Variants in ING1 observed in about 807,000 individuals in gnomAD.
ING1 encodes the protein inhibitor of growth protein 1.
ING1 carries 4 observed loss-of-function variants against 23.1 expected under a neutral mutation model. The observed-to-expected ratio is 0.17, with a 90% CI of 0.09 to 0.40. The LOEUF (loss-of-function observed/expected upper bound fraction) is 0.40, where lower values mean the gene tolerates loss of function less well. ING1 is among the 10% of genes least tolerant of loss of function. The pLI is 1.00. For missense variants in ING1, 256 were observed against 393.8 expected (o/e 0.65, Z 2.96); for synonymous variants, 179 against 166.4 (o/e 1.08, Z -0.58).
intron 1 of ING1, chr13:110,715,818 G>C (rs559721882): frequency 1.9e-6 from 3 of 1,586,308 alleles, no homozygotes; most frequent in African/African-American, 2.7e-5. Context: ...TGTCGCCCCG[G>C]CCCCTCTCCC....
In ING1 at chr13:110,713,913, G is replaced by A; in HGVS notation, c.-237G>A. ...AGAGGGGGCCTGCGCCGCCGGCCGGGGCGTGCGCCCGGGAGCCACCGCCAC... is the reference window on the plus strand; with the variant it reads ...AGAGGGGGCCTGCGCCGCCGGCCGGAGCGTGCGCCCGGGAGCCACCGCCAC... On this transcript the variant is annotated 5_prime_UTR_variant, in exon 1 of 2. Transcript: ENST00000333219. 1.0e-6 allele frequency: 1 copy of A among 982,732 alleles called. No homozygotes were observed. Among genetic ancestry groups the A allele is most frequent in the Non-Finnish European group, 1.2e-6 (1 of 830,216 alleles). The allele number at this position is 982,732 out of a possible 1,614,324, so 60.9% of individuals were successfully genotyped here.
upstream of ING1, chr13:110,713,615 G>C: frequency 1.0e-6 from 1 of 984,762 alleles, no homozygotes; most frequent in Non-Finnish European, 1.2e-6. Context: ...GCGGGGGGCG[G>C]GGCCGTTGCC....
chr13:110,715,681 C>G (rs145017996), intron 1 of ING1: 2 of 1,604,722 alleles, frequency 1.2e-6, no homozygotes, highest in South Asian at 1.1e-5. Flanking sequence ...CTCTTCCGCC[C>G]TGCGGTGTGG....
At chr13:110,713,328 C>A, upstream of ING1, 1 of 1,130,974 alleles carries the variant, frequency 8.8e-7, no homozygotes, top group Non-Finnish European at 1.1e-6. Flanking sequence ...TTCTGTCCCG[C>A]GGCCCGTTAG....
At position 110,719,806 on chromosome 13, in the gene ING1, C is replaced by T. The variant is rs2064157159; in HGVS notation, c.714C>T (p.Phe238=). Residue 238 remains phenylalanine (F), a synonymous_variant, in exon 2 of 2, where the codon TTC becomes TTT. Coordinates refer to ENST00000333219, the MANE Select transcript of ING1 (RefSeq NM_198219.3). This position sits in a 1 kb window ranked among gnomAD's most constrained non-coding sequence, Gnocchi z 8.9. Reference sequence around the variant, plus strand: ...AGTGCCCCATCGAGTGGTTCCACTTCTCGTGCGTGGGGCTCAATCATAAAC... The same window carrying T: ...AGTGCCCCATCGAGTGGTTCCACTTTTCGTGCGTGGGGCTCAATCATAAAC... ...NDECPIEWFH[F]SCVGLNHKPK... is the part of the protein sequence containing the mutation. The T allele has an allele frequency of 1.2e-6, 2 of 1,614,022 alleles. No individual in the cohort carries two copies.
chr13:110,713,095 A>G (rs1033639453), upstream of ING1: 1 of 1,438,902 alleles, frequency 6.9e-7, no homozygotes, highest in East Asian at 2.5e-5. Context: ...CTCCCGGAGG[A>G]CTTGGGTTTC....
chr13:110,715,808 T>C (rs767868972), intron 1 of ING1: 1 of 1,567,458 alleles, frequency 6.4e-7, no homozygotes, highest in Non-Finnish European at 8.6e-7. Context: ...GCCTGGCGGG[T>C]GTCGCCCCGG....
chr13:110,714,710 C>T (rs1399096688), intron 1 of ING1, among the ~76,000 whole-genome samples: 4 of 152,172 alleles, frequency 2.6e-5, no homozygotes, highest in Non-Finnish European at 4.4e-5. Context: ...GGCCGGGGTT[C>T]CCGCGGACCC....
chr13:110,719,542 A>T lies in ING1; in HGVS notation c.450A>T (p.Ser150=). The T allele has an allele frequency of 6.2e-7, 1 of 1,610,342 alleles. No homozygotes were observed. Among genetic ancestry groups the T allele is most frequent in the Non-Finnish European group, 8.5e-7 (1 of 1,178,648 alleles). ...AQADKPNSKR[S]RRQRNNENRE... is the part of the protein sequence containing the mutation. Reference sequence around the variant, plus strand: ...CTGACAAGCCCAACAGCAAGCGCTCACGGCGGCAGCGCAACAACGAGAACC... The same window carrying T: ...CTGACAAGCCCAACAGCAAGCGCTCTCGGCGGCAGCGCAACAACGAGAACC... The change falls in exon 2 of 2, where the codon TCA becomes TCT. Residue 150 remains serine, a synonymous_variant. Transcript: ENST00000333219. This position sits in a 1 kb window ranked among gnomAD's most constrained non-coding sequence, Gnocchi z 8.9.
upstream of ING1, chr13:110,713,446 G>A (rs966956346): frequency 2.0e-6 from 2 of 994,054 alleles, no homozygotes; most frequent in East Asian, 1.1e-4. Context: ...TCCTAGTAAA[G>A]TTTGCGCCTC....
rs944102743 is a variant in ING1 at position 110,719,652 on chromosome 13, A to G, written c.560A>G (p.Lys187Arg). 6.2e-7 allele frequency: 1 copy of G among 1,612,376 alleles called. No homozygotes were observed. The highest frequency in any genetic ancestry group is 1.3e-5 in the African/African-American group (1 of 74,626). Residue 187 changes from lysine (K) to arginine (R), a missense_variant, in exon 2 of 2, where the codon AAG (lysine) becomes AGG (arginine). This residue lies in a region of ING1 where 209 missense variants were observed against 273.8 expected (regional missense o/e 0.76). Transcript: ENST00000333219. The surrounding 1 kb of genome is among the most constrained non-coding windows in gnomAD (Gnocchi z 8.9). ...AAGAAGGCCAAGACCTCCAAGAAGA[A>G]GAAGCGCTCCAAGGCCAAGGCGGAG... Reference protein sequence around the residue: ...KEKKAKTSKKKKRSKAKAERE... With the variant: ...KEKKAKTSKKRKRSKAKAERE...
intron 1 of ING1, chr13:110,715,779 T>G (rs748101963): frequency 2.6e-5 from 41 of 1,591,364 alleles, no homozygotes; most frequent in African/African-American, 2.7e-5. Flanking sequence ...CCCGCTGGCC[T>G]CCTCCCCATT....
At chr13:110,715,750 C>CG (rs781533720) in intron 1 of ING1, 1 of 1,581,714 alleles carries the variant, frequency 6.3e-7, no homozygotes, top group East Asian at 2.3e-5. Flanking sequence ...CGGCGGCTCT[C>CG]GGGGTGCGGG....
At chr13:110,713,459 C>T (rs2064063320), upstream of ING1, 2 of 990,902 alleles carry the variant, frequency 2.0e-6, no homozygotes, top group Non-Finnish European at 2.4e-6. Flanking sequence ...TGCGCCTCGC[C>T]CGCCGTCCAC....
upstream of ING1, chr13:110,713,248 G>C (rs773670810): frequency 2.2e-4 from 294 of 1,353,468 alleles, no homozygotes; most frequent in Non-Finnish European, 2.6e-4. Context: ...CTGCTCTGTG[G>C]GGCGGGGACG....
chr13:110,719,335 C>T lies in ING1; in HGVS notation c.243C>T (p.Ser81=). The change falls in exon 2 of 2, where the codon AGC becomes AGT. Residue 81 remains serine (S), a synonymous_variant. Transcript: ENST00000333219. The surrounding 1 kb of genome is among the most constrained non-coding windows in gnomAD (Gnocchi z 8.9). ...GTGTGCAGCGCGCGCTGATCCGCAGCCAGGAGCTGGGCGACGAGAAGATCC... is the reference window on the plus strand; with the variant it reads ...GTGTGCAGCGCGCGCTGATCCGCAGTCAGGAGCTGGGCGACGAGAAGATCC... The part of the protein sequence containing the change: ...LHCVQRALIR[S]QELGDEKIQI... 1 of 1,608,944 alleles carries T rather than the reference C, an allele frequency of 6.2e-7. No individual in the cohort carries two copies. Among genetic ancestry groups the T allele is most frequent in the African/African-American group, 1.3e-5 (1 of 75,016 alleles).
At chr13:110,712,797 TCGGGCCTATCCACCTCTTCTGGGG>T (rs1411704866), upstream of ING1, 2 of 753,676 alleles carry the variant, frequency 2.7e-6, no homozygotes, top group South Asian at 3.0e-5. Context: ...AAGGCGCCCC[TCGGGCCTATCCACCTCTTCTGGGG>T]CTCGGCACTA....
Position 110,713,852 on chromosome 13 carries a change from C to G in ING1, c.-298C>G. 2.0e-6 allele frequency: 2 copies of G among 982,388 alleles called. No homozygotes were observed. The highest frequency in any genetic ancestry group is 2.4e-6 in the Non-Finnish European group (2 of 828,690). The allele number at this position is 982,388 out of a possible 1,614,324, so 60.9% of individuals were successfully genotyped here. The stretch of plus-strand genomic sequence containing the variant: ...CCTCTCCCGCCGGTGTGTGCGCGCT[C>G]GTACGCGCGGCCCCCGGCGCCAGCC... On this transcript the variant is annotated 5_prime_UTR_variant, in exon 1 of 2. Coordinates refer to ENST00000333219, the MANE Select transcript of ING1 (RefSeq NM_198219.3).
In ING1 at chr13:110,714,029, C is replaced by T; in HGVS notation, c.-121C>T. 1 of 1,215,332 alleles carries T rather than the reference C, an allele frequency of 8.2e-7. No individual in the cohort carries two copies. The highest frequency in any genetic ancestry group is 1.0e-6 in the Non-Finnish European group (1 of 973,248). 75.3% of individuals were successfully genotyped at this position (1,215,332 alleles called of 1,614,324 possible). A position where few individuals can be genotyped will look rare whatever the true frequency, so the allele number is the denominator to read the frequency against. The stretch of plus-strand genomic sequence containing the variant: ...TGTAGCCGCCGGGCCGAAGCAGGAG[C>T]CGGCGGGGGGGCGCCGGGAGAGCGA... On this transcript the variant is annotated 5_prime_UTR_variant, in exon 1 of 2. Transcript: ENST00000333219.
Sources: gnomAD v4.1 joint callset for allele counts (sites outside exome capture counted in the v4.1 genomes callset) on GRCh38, gnomAD v4.1.1 for gene constraint, gnomAD v4.1.1 regional missense constraint, Gnocchi (gnomAD v3.1) non-coding constraint, MANE v1.5 for transcripts, NCBI Gene and HGNC (gene_info 2026-07-23, HGNC 2026-07-21) for gene names.